CDH4: variants seen among roughly 807,000 people sequenced by gnomAD.
CDH4 encodes cadherin-4.
A neutral mutation model predicts 86.0 loss-of-function variants in CDH4; 33 were observed. That is an observed-to-expected ratio of 0.38 (90% CI 0.29 to 0.51). The LOEUF is 0.51. Among genes scored for constraint, CDH4 ranks in the 20% least tolerant of loss-of-function variants. CDH4 has a pLI of 0.86. For missense variants in CDH4, 1,114 were observed against 1,307.4 expected (o/e 0.85, Z 2.28); for synonymous variants, 555 against 549.4 (o/e 1.01, Z -0.14).
At chr20:61,279,947 T>G (rs1441864269) in intron 2 of CDH4, among the ~76,000 whole-genome samples, 1 of 152,136 alleles carries the variant, frequency 6.6e-6, no homozygotes, top group African/African-American at 2.4e-5. Flanking sequence ...GCCTGTTGGT[T>G]GCAAGGAGAT....
At chr20:61,489,348 T>C (rs1268613384) in intron 2 of CDH4, among the ~76,000 whole-genome samples, 1 of 152,230 alleles carries the variant, frequency 6.6e-6, no homozygotes, top group Non-Finnish European at 1.5e-5. Flanking sequence ...ATTGTGGTTT[T>C]TGCCATTACT....
intron 4 of CDH4, among the ~76,000 whole-genome samples, chr20:61,833,499 T>C (rs951211094): frequency 6.6e-6 from 1 of 152,162 alleles, no homozygotes; most frequent in Non-Finnish European, 1.5e-5. Flanking sequence ...TTTAGTGACA[T>C]AGCATAGTAC....
At chr20:61,600,631 T>C (rs948330820) in intron 2 of CDH4, among the ~76,000 whole-genome samples, 2 of 152,216 alleles carry the variant, frequency 1.3e-5, no homozygotes, top group Non-Finnish European at 2.9e-5. Context: ...AGGGGATTCA[T>C]TCCAGGCCCG....
chr20:61,340,396 G>A (rs970554012), intron 2 of CDH4, among the ~76,000 whole-genome samples: 1 of 152,190 alleles, frequency 6.6e-6, no homozygotes, highest in Non-Finnish European at 1.5e-5. Context: ...CATCGTGGGT[G>A]AATAAACCAA....
At position 61,708,720 on chromosome 20, in the gene CDH4, G is replaced by T. The variant is rs1276527565; in HGVS notation, c.170-34843G>T. On this transcript the variant is annotated intron_variant, in intron 2 of 15. Coordinates refer to ENST00000614565, the MANE Select transcript of CDH4 (RefSeq NM_001794.5). The surrounding 1 kb of genome is among the most constrained non-coding windows in gnomAD (Gnocchi z 4.5). ...CTCCGGGGAGGCCCCATCCTCCCCA[G>T]CCTCACATGAGGCGGCGCTGCCTCT... Among the ~76,000 whole-genome samples, 4 of 152,180 alleles carry T rather than the reference G, an allele frequency of 2.6e-5. No homozygotes were observed. Among genetic ancestry groups the T allele is most frequent in the Non-Finnish European group, 4.4e-5 (3 of 68,028 alleles).
chr20:61,279,659 C>T (rs2903155), intron 2 of CDH4, among the ~76,000 whole-genome samples: 22,197 of 152,142 alleles, frequency 0.15, 1,720 homozygotes, highest in Admixed American at 0.16. Flanking sequence ...TCCACGAAAG[C>T]GCAGAGGACA....
intron 2 of CDH4, among the ~76,000 whole-genome samples, chr20:61,281,983 G>C (rs2084261420): frequency 6.6e-6 from 1 of 152,186 alleles, no homozygotes; most frequent in Non-Finnish European, 1.5e-5. Context: ...CTGGGGGTTG[G>C]GCCAGTCAGC....
chr20:61,633,768 C>G (rs1397452080), intron 2 of CDH4, among the ~76,000 whole-genome samples: 1 of 152,216 alleles, frequency 6.6e-6, no homozygotes, highest in Non-Finnish European at 1.5e-5. Context: ...ATGTGATGCC[C>G]CTGCACAGAG....
intron 2 of CDH4, among the ~76,000 whole-genome samples, chr20:61,490,642 T>C (rs143890418): frequency 0.03 from 4,627 of 152,016 alleles, 229 homozygotes; most frequent in African/African-American, 0.11. Flanking sequence ...GAGGTTGCAG[T>C]GAGCTGAGAT....
At chr20:61,701,723 A>AC (rs1174374309) in intron 2 of CDH4, among the ~76,000 whole-genome samples, 2 of 152,206 alleles carry the variant, frequency 1.3e-5, no homozygotes, top group African/African-American at 2.4e-5. Flanking sequence ...AGTTCCTGGA[A>AC]CCTCGGTTCG....
intron 2 of CDH4, among the ~76,000 whole-genome samples, chr20:61,454,469 G>C (rs374700517): frequency 6.6e-6 from 1 of 151,994 alleles, no homozygotes; most frequent in Admixed American, 6.6e-5. Context: ...TTTTTGAGAC[G>C]GAGTCTCACT....
intron 2 of CDH4, among the ~76,000 whole-genome samples, chr20:61,592,092 C>T (rs2145733100): frequency 6.6e-6 from 1 of 152,050 alleles, no homozygotes; most frequent in South Asian, 2.1e-4. Flanking sequence ...AACAGGTTTT[C>T]CACAAAGAAG....
chr20:61,815,123 G>A (rs1431160524), intron 4 of CDH4, among the ~76,000 whole-genome samples: 1 of 152,190 alleles, frequency 6.6e-6, no homozygotes, highest in African/African-American at 2.4e-5. Flanking sequence ...AATATGTTAA[G>A]CACACAGTCT....
At chr20:61,599,719 G>A (rs1034259271) in intron 2 of CDH4, 2 of 824,176 alleles carry the variant, frequency 2.4e-6, no homozygotes, top group Admixed American at 6.2e-5. Context: ...TTCATCTGCC[G>A]AGGCCCCGCT....
chr20:61,847,214 G>A (rs1375854991), intron 5 of CDH4, among the ~76,000 whole-genome samples: 1 of 152,210 alleles, frequency 6.6e-6, no homozygotes, highest in African/African-American at 2.4e-5. Context: ...TCAGGGCTCA[G>A]CTACCTCTGC....
chr20:61,901,057 G>A (rs925846841), intron 8 of CDH4, among the ~76,000 whole-genome samples: 3 of 152,230 alleles, frequency 2.0e-5, no homozygotes, highest in Non-Finnish European at 1.5e-5. Context: ...CCAATCCCGG[G>A]TAAGAAGATG....
At chr20:61,864,243 T>TCA (rs1983448932) in intron 6 of CDH4, among the ~76,000 whole-genome samples, 1 of 152,176 alleles carries the variant, frequency 6.6e-6, no homozygotes, top group Non-Finnish European at 1.5e-5. Context: ...GAGCCCTGTG[T>TCA]GCTGGTGCTG....
rs1178333170 is a variant in CDH4, at chr20:61,377,064, AAC to A, written c.169+122130_169+122131del. ...AAAATATGAACGTGCACCCACCACC[AAC>A]ACGTGAGGGCGGCTGCTGTCCTTCA... On this transcript the variant is annotated intron_variant, in intron 2 of 15. Coordinates refer to ENST00000614565, the MANE Select transcript of CDH4 (RefSeq NM_001794.5). This position sits in a 1 kb window ranked among gnomAD's most constrained non-coding sequence, Gnocchi z 4.0. Among the ~76,000 whole-genome samples the A allele has an allele frequency of 6.6e-6, 1 of 152,188 alleles. No homozygotes were observed. Among genetic ancestry groups the A allele is most frequent in the Non-Finnish European group, 1.5e-5 (1 of 68,034 alleles).
At chr20:61,909,892 C>T (rs2054830402) in intron 8 of CDH4, among the ~76,000 whole-genome samples, 1 of 152,236 alleles carries the variant, frequency 6.6e-6, no homozygotes, top group African/African-American at 2.4e-5. Flanking sequence ...TGGAAGGGGT[C>T]TGGGGTGGGG....
Sources: gnomAD v4.1 joint callset for allele counts (sites outside exome capture counted in the v4.1 genomes callset) on GRCh38, gnomAD v4.1.1 for gene constraint, Gnocchi (gnomAD v3.1) non-coding constraint, MANE v1.5 for transcripts, NCBI Gene and HGNC (gene_info 2026-07-23, HGNC 2026-07-21) for gene names.